Variants in MALRD1 observed in about 807,000 individuals in gnomAD.
MALRD1 encodes the protein MAM and LDL receptor class A domain containing 1, also known as MAM and LDL-receptor class A domain-containing protein 1.
In MALRD1, 247 loss-of-function variants were observed where a neutral mutation model predicts 242.1. That is an observed-to-expected ratio of 1.02 (90% confidence interval 0.92 to 1.13). MALRD1 has a LOEUF of 1.13. MALRD1 is among the 50% of genes most tolerant of loss of function. The pLI, the probability that MALRD1 is intolerant of heterozygous loss-of-function variation, is 0.00. For synonymous variants in MALRD1, 995 were observed against 866.6 expected (o/e 1.15, Z -2.60); for missense variants, 2,989 against 2,533.1 (o/e 1.18, Z -3.86).
chr10:19,148,342 T>G (rs1833800377), intron 11 of MALRD1, among the ~76,000 whole-genome samples: 1 of 151,772 alleles, frequency 6.6e-6, no homozygotes, highest in Non-Finnish European at 1.5e-5. Flanking sequence ...GTCTAAATAT[T>G]AGGGTGCTTC....
At chr10:19,174,043 G>A (rs1835119514) in intron 13 of MALRD1, among the ~76,000 whole-genome samples, 1 of 152,114 alleles carries the variant, frequency 6.6e-6, no homozygotes, top group Admixed American at 6.5e-5. Context: ...GAAGACCAGG[G>A]AAAACTCTCT....
At chr10:19,411,986 G>C (rs1291840019) in intron 28 of MALRD1, among the ~76,000 whole-genome samples, 1 of 152,150 alleles carries the variant, frequency 6.6e-6, no homozygotes, top group Non-Finnish European at 1.5e-5. Flanking sequence ...TAAGTAAATT[G>C]TATAACATGT....
At chr10:19,602,974 G>T (rs1322607769) in intron 34 of MALRD1, among the ~76,000 whole-genome samples, 3 of 152,094 alleles carry the variant, frequency 2.0e-5, no homozygotes, top group East Asian at 3.9e-4. Context: ...TCATGTGTCT[G>T]TTGGCTGCAT....
At chr10:19,083,744 A>C (rs1454251790) in intron 2 of MALRD1, among the ~76,000 whole-genome samples, 1 of 151,950 alleles carries the variant, frequency 6.6e-6, no homozygotes, top group Non-Finnish European at 1.5e-5. Context: ...TATTTTTCAA[A>C]GTTAAATGTG....
intron 5 of MALRD1, among the ~76,000 whole-genome samples, chr10:19,116,633 A>T (rs1836879268): frequency 6.6e-6 from 1 of 152,168 alleles, no homozygotes; most frequent in Admixed American, 6.5e-5. Flanking sequence ...TTTGTGCAAG[A>T]TAAGATTTGA....
chr10:19,324,217 C>T (rs1843021726), intron 22 of MALRD1, 112 bp downstream of exon 22: 1 of 1,044,326 alleles, frequency 9.6e-7, no homozygotes, highest in Non-Finnish European at 1.4e-6. Context: ...CAATTACCAA[C>T]ACTTCACTAG....
At chr10:19,642,452 C>T (rs1840433681) in intron 36 of MALRD1, among the ~76,000 whole-genome samples, 1 of 152,092 alleles carries the variant, frequency 6.6e-6, no homozygotes, top group Non-Finnish European at 1.5e-5. Context: ...ATAGTTGACC[C>T]TCTTACATTG....
intron 28 of MALRD1, among the ~76,000 whole-genome samples, chr10:19,433,058 G>T (rs974426971): frequency 6.6e-6 from 1 of 152,152 alleles, no homozygotes; most frequent in Non-Finnish European, 1.5e-5. Context: ...CTTACTATGT[G>T]CAGGGCACTG....
At position 19,331,261 on chromosome 10, in the gene MALRD1, AC is replaced by A. The variant is rs1240083518; in HGVS notation, c.3688-107del. ...AAAAAACAAAAACAAAAACAAAAAA[AC>A]AAACAACAAAAAACAGATTCACGAT... On this transcript the variant is annotated intron_variant, in intron 23 of 39. Coordinates refer to ENST00000454679, the MANE Select transcript of MALRD1 (RefSeq NM_001142308.3). 4.0e-6 allele frequency: 4 copies of A among 988,560 alleles called. No homozygotes were observed. In the African/African-American group the frequency reaches 4.9e-5, roughly 12 times the overall value. 61.2% of individuals were successfully genotyped at this position (988,560 alleles called of 1,614,324 possible).
intron 33 of MALRD1, among the ~76,000 whole-genome samples, chr10:19,592,309 C>T (rs1837833334): frequency 6.6e-6 from 1 of 152,216 alleles, no homozygotes. Context: ...ATAAGAGGCT[C>T]AGCCGATACC....
At chr10:19,273,589 A>G (rs1418832998) in intron 19 of MALRD1, among the ~76,000 whole-genome samples, 1 of 152,098 alleles carries the variant, frequency 6.6e-6, no homozygotes, top group African/African-American at 2.4e-5. Flanking sequence ...TATGAAGGAA[A>G]TTTACCTGCC....
Position 19,128,388 on chromosome 10 carries a change from G to A in MALRD1, c.1110+1G>A. 1 of 1,232,432 alleles carries A rather than the reference G, an allele frequency of 8.1e-7. No homozygotes were observed. The highest frequency in any genetic ancestry group is 3.2e-5 in the East Asian group (1 of 31,646). The allele number at this position is 1,232,432 out of a possible 1,614,324, so 76.3% of individuals were successfully genotyped here. Reference sequence around the variant, plus strand: ...GAGAGTAAGACTGTATAATAATAAGGTAAGAAGAAAGTTGCATTTATTTCA... The same window carrying A: ...GAGAGTAAGACTGTATAATAATAAGATAAGAAGAAAGTTGCATTTATTTCA... On this transcript the variant is annotated splice_donor_variant, in intron 8 of 39. Transcript: ENST00000454679. LOFTEE classifies it high-confidence loss of function.
chr10:19,124,176 C>T lies in MALRD1; in HGVS notation c.797-348C>T, dbSNP rs79867866. Reference sequence around the variant, plus strand: ...AGGCTACAGTGGGCTATGATTGCACCACTGCATTTGGCCTGGGTGGCAGAA... The same window carrying T: ...AGGCTACAGTGGGCTATGATTGCACTACTGCATTTGGCCTGGGTGGCAGAA... On this transcript the variant is annotated intron_variant, in intron 6 of 39. Coordinates refer to ENST00000454679, the MANE Select transcript of MALRD1 (RefSeq NM_001142308.3). 5.2e-3 allele frequency among the ~76,000 whole-genome samples: 792 copies of T among 152,128 alleles called. 2 individuals carry two copies. Among genetic ancestry groups the T allele is most frequent in the African/African-American group, 0.018 (762 of 41,480 alleles).
chr10:19,603,267 C>G (rs1412509398), intron 34 of MALRD1, among the ~76,000 whole-genome samples: 1 of 152,056 alleles, frequency 6.6e-6, no homozygotes, highest in Admixed American at 6.6e-5. Context: ...AAGTCCTTGC[C>G]CATGCCTATG....
chr10:19,436,526 T>C (rs770985886), intron 28 of MALRD1, among the ~76,000 whole-genome samples: 1 of 152,156 alleles, frequency 6.6e-6, no homozygotes, highest in Non-Finnish European at 1.5e-5. Context: ...TAGACATGGA[T>C]AGTGCTTTCA....
intron 19 of MALRD1, among the ~76,000 whole-genome samples, chr10:19,275,322 C>T (rs542328285): frequency 7.2e-5 from 11 of 152,282 alleles, no homozygotes; most frequent in Admixed American, 7.2e-4. Flanking sequence ...ACACTCAATT[C>T]GCTGGGCTTC....
chr10:19,059,966 T>A (rs566294326), intron 1 of MALRD1, among the ~76,000 whole-genome samples: 49 of 152,334 alleles, frequency 3.2e-4, no homozygotes, highest in Admixed American at 9.8e-4. Context: ...AAGTAATTTG[T>A]CAAAGTTATA....
At chr10:19,171,183 T>C (rs1257235923) in intron 13 of MALRD1, among the ~76,000 whole-genome samples, 1 of 151,822 alleles carries the variant, frequency 6.6e-6, no homozygotes, top group Non-Finnish European at 1.5e-5. Flanking sequence ...AGGAATAATA[T>C]AATTGAATAA....
intron 31 of MALRD1, among the ~76,000 whole-genome samples, chr10:19,528,753 G>A (rs574467356): frequency 6.6e-6 from 1 of 152,244 alleles, no homozygotes; most frequent in South Asian, 2.1e-4. Context: ...TAAGGAGCTT[G>A]GAAGGCATCA....
Sources: gnomAD v4.1 joint callset for allele counts (sites outside exome capture counted in the v4.1 genomes callset) on GRCh38, gnomAD v4.1.1 for gene constraint, MANE v1.5 for transcripts, NCBI Gene and HGNC (gene_info 2026-07-23, HGNC 2026-07-21) for gene names.